CSMD1: variants seen among roughly 807,000 people sequenced by gnomAD.
The protein encoded by CSMD1 is CUB and Sushi multiple domains 1, also known as CUB and sushi domain-containing protein 1.
In CSMD1, 213 loss-of-function variants were observed where a neutral mutation model predicts 417.5. The observed-to-expected ratio is 0.51, with a 90% CI of 0.46 to 0.57. The LOEUF (loss-of-function observed/expected upper bound fraction) is 0.57, where lower values mean the gene tolerates loss of function less well. Among genes scored for constraint, CSMD1 ranks in the 20% least tolerant of loss-of-function variants. The probability of loss-of-function intolerance (pLI) is 0.00; values close to 1 mark genes in which losing one functional copy is unlikely to be tolerated. For missense variants in CSMD1, 6,923 were observed against 4,529.7 expected (o/e 1.53, Z -15.17); for synonymous variants, 2,862 against 1,736.8 (o/e 1.65, Z -16.11).
intron 1 of CSMD1, among the ~76,000 whole-genome samples, chr8:4,676,126 A>C (rs758060898): frequency 6.6e-5 from 10 of 152,244 alleles, no homozygotes; most frequent in Non-Finnish European, 1.5e-4. Context: ...TCTGCTATGC[A>C]TAAGATGTTT....
chr8:4,067,147 G>A (rs1366183197), intron 3 of CSMD1, among the ~76,000 whole-genome samples: 1 of 152,198 alleles, frequency 6.6e-6, no homozygotes, highest in Non-Finnish European at 1.5e-5. Flanking sequence ...CAAAACCAAA[G>A]GGAAAGCAAG....
chr8:3,409,691 C>G, intron 12 of CSMD1, 86 bp from the exon 13 acceptor site: 1 of 1,036,756 alleles, frequency 9.6e-7, no homozygotes, highest in Non-Finnish European at 1.4e-6. Context: ...AAATACGTGG[C>G]TTCTTTTTGC....
At chr8:3,516,964 T>C (rs933665339) in intron 10 of CSMD1, among the ~76,000 whole-genome samples, 7 of 152,190 alleles carry the variant, frequency 4.6e-5, no homozygotes, top group Non-Finnish European at 7.3e-5. Context: ...AGGATGCTTC[T>C]GTAAGAATGA....
chr8:4,948,616 T>C (rs748552080), intron 1 of CSMD1, among the ~76,000 whole-genome samples: 9 of 152,108 alleles, frequency 5.9e-5, no homozygotes, highest in Non-Finnish European at 1.0e-4. Flanking sequence ...CTCAATTACA[T>C]TATAAAATTA....
At chr8:4,727,977 G>GTA (rs1267381615) in intron 1 of CSMD1, among the ~76,000 whole-genome samples, 10 of 67,130 alleles carry the variant, frequency 1.5e-4, no homozygotes, top group Middle Eastern at 9.6e-3. Context: ...AAATATATAT[G>GTA]TATATATATA....
chr8:3,323,797 G>C (rs927780753), intron 23 of CSMD1, among the ~76,000 whole-genome samples: 28 of 136,358 alleles, frequency 2.1e-4, no homozygotes, highest in Non-Finnish European at 6.3e-5. Flanking sequence ...CAACCCCAGA[G>C]ACCCAGGAGG....
chr8:3,711,979 C>T (rs189023889), intron 6 of CSMD1, among the ~76,000 whole-genome samples: 5 of 152,296 alleles, frequency 3.3e-5, no homozygotes, highest in Admixed American at 6.5e-5. Flanking sequence ...TGCGAATAGA[C>T]AGGACCTATC....
chr8:3,887,993 G>C (rs1324653442), intron 5 of CSMD1, among the ~76,000 whole-genome samples: 1 of 152,112 alleles, frequency 6.6e-6, no homozygotes, highest in Non-Finnish European at 1.5e-5. Flanking sequence ...TTCTTATCTG[G>C]TTATTAAAGG....
chr8:3,116,860 A>C (rs2129018401), intron 42 of CSMD1, among the ~76,000 whole-genome samples: 1 of 152,250 alleles, frequency 6.6e-6, no homozygotes, highest in African/African-American at 2.4e-5. Flanking sequence ...TTTCAAAAGA[A>C]TTTATACATA....
intron 3 of CSMD1, among the ~76,000 whole-genome samples, chr8:4,166,151 T>C (rs1330840972): frequency 6.6e-6 from 1 of 152,176 alleles, no homozygotes; most frequent in Admixed American, 6.5e-5. Flanking sequence ...CCCATAACAT[T>C]ATTTTAAATT....
chr8:3,577,793 G>A lies in CSMD1; in HGVS notation c.1223-2727C>T, dbSNP rs146146640. ...CTGCTTCTTTACCATCTGATGATGC[G>A]CCCCCTATTTGGCTCGTTATGATTT... On this transcript the variant is annotated intron_variant, in intron 9 of 69. Transcript: ENST00000635120. Among the ~76,000 whole-genome samples the A allele has an allele frequency of 4.5e-3, 686 of 152,010 alleles. 5 individuals are homozygous for A. Among genetic ancestry groups the A allele is most frequent in the Non-Finnish European group, 6.7e-3 (457 of 67,992 alleles).
intron 10 of CSMD1, among the ~76,000 whole-genome samples, chr8:3,525,065 G>C (rs757883333): frequency 6.6e-6 from 1 of 152,122 alleles, no homozygotes; most frequent in Non-Finnish European, 1.5e-5. Context: ...AACTCTATCT[G>C]AAAAGCCAAC....
intron 6 of CSMD1, among the ~76,000 whole-genome samples, chr8:3,734,948 G>C (rs1299745205): frequency 6.6e-6 from 1 of 152,170 alleles, no homozygotes; most frequent in Non-Finnish European, 1.5e-5. Flanking sequence ...AAACCCTCCA[G>C]AGTAGCCTCT....
intron 1 of CSMD1, among the ~76,000 whole-genome samples, chr8:4,966,147 T>G (rs559434770): frequency 1.4e-5 from 2 of 145,814 alleles, no homozygotes; most frequent in South Asian, 4.3e-4. Flanking sequence ...GTGGATCACC[T>G]GAGGTAAGGA....
At chr8:3,464,483 G>C (rs954655754) in intron 12 of CSMD1, among the ~76,000 whole-genome samples, 6 of 151,616 alleles carry the variant, frequency 4.0e-5, no homozygotes, top group Non-Finnish European at 5.9e-5. Context: ...ATATAAAATG[G>C]AGAAACTATG....
intron 5 of CSMD1, among the ~76,000 whole-genome samples, chr8:3,996,309 T>C (rs1406874054): frequency 6.6e-6 from 1 of 152,212 alleles, no homozygotes; most frequent in African/African-American, 2.4e-5. Context: ...TGAGTCCCTA[T>C]ATATTTTATA....
At chr8:3,875,205 C>T (rs1022096929) in intron 5 of CSMD1, among the ~76,000 whole-genome samples, 3 of 152,048 alleles carry the variant, frequency 2.0e-5, no homozygotes, top group Non-Finnish European at 4.4e-5. Flanking sequence ...AACAGTGAGG[C>T]CATTCGGGAG....
At position 2,974,569 on chromosome 8, in the gene CSMD1, C is replaced by G. The variant is rs773062815; in HGVS notation, c.8622G>C (p.Leu2874=). 1 of 1,612,902 alleles carries G rather than the reference C, an allele frequency of 6.2e-7. No individual in the cohort carries two copies. The highest frequency in any genetic ancestry group is 8.5e-7 in the Non-Finnish European group (1 of 1,179,422). Residue 2874 remains leucine, a synonymous_variant, in exon 56 of 70, where the codon CTG becomes CTC. Coordinates refer to ENST00000635120, the MANE Select transcript of CSMD1 (RefSeq NM_033225.6). ...VPANAVLTGE[L]FTYGAVVHYS... ...AGTGCACGACGGCGCCATAGGTAAA[C>G]AGCTCTCCAGTGAGGACGGCGTTGG...
chr8:4,236,055 T>TTTTTTTTTTTTTTTTTG (rs1802038108), intron 3 of CSMD1, among the ~76,000 whole-genome samples: 10 of 83,750 alleles, frequency 1.2e-4, no homozygotes, highest in South Asian at 3.5e-4. Flanking sequence ...TTTTTTTTTT[T>TTTTTTTTTTTTTTTTTG]TTTTTTTTTT....
Sources: allele counts gnomAD v4.1 joint callset (sites outside exome capture counted in the v4.1 genomes callset), GRCh38; gene constraint gnomAD v4.1.1; transcripts MANE v1.5; gene names NCBI Gene and HGNC (gene_info 2026-07-23, HGNC 2026-07-21).